NCAM1: variants seen among roughly 807,000 people sequenced by gnomAD.
The protein encoded by NCAM1 is neural cell adhesion molecule 1.
A neutral mutation model predicts 109.8 loss-of-function variants in NCAM1; 14 were observed. The observed-to-expected ratio is 0.13, with a 90% CI of 0.08 to 0.20. The LOEUF (loss-of-function observed/expected upper bound fraction) is 0.20, where lower values mean the gene tolerates loss of function less well. NCAM1 is among the 10% of genes least tolerant of loss of function. The pLI is 1.00. For synonymous variants in NCAM1, 418 were observed against 442.9 expected (o/e 0.94, Z 0.70); for missense variants, 774 against 1,109.9 (o/e 0.70, Z 4.30).
intron 1 of NCAM1, among the ~76,000 whole-genome samples, chr11:113,009,196 C>A (rs1951967801): frequency 6.6e-6 from 1 of 151,310 alleles, no homozygotes. Flanking sequence ...AGGACCACGT[C>A]GGTAGAATTA....
intron 1 of NCAM1, among the ~76,000 whole-genome samples, chr11:113,135,472 T>C (rs1419036636): frequency 2.0e-5 from 3 of 151,896 alleles, no homozygotes; most frequent in Admixed American, 6.6e-5. Context: ...CAGAGCAAGA[T>C]AAAGATGCGC....
Position 113,278,035 on chromosome 11 carries a change from A to G in NCAM1, c.*2648A>G, listed in dbSNP as rs1021720676. 2 of 152,180 alleles carry G rather than the reference A, an allele frequency of 1.3e-5. No individual in the cohort carries two copies. The highest frequency in any genetic ancestry group is 2.9e-5 in the Non-Finnish European group (2 of 68,048). The allele number at this position is 152,180 out of a possible 1,614,324, so 9.4% of individuals were successfully genotyped here. A position where few individuals can be genotyped will look rare whatever the true frequency, so the allele number is the denominator to read the frequency against. ...ATGTGTCTATGTGTGTATGTGCCAT[A>G]CATATGTATTCACATGAAGACCGGC... On this transcript the variant is annotated 3_prime_UTR_variant, in exon 20 of 20. Coordinates refer to ENST00000316851, the MANE Select transcript of NCAM1 (RefSeq NM_181351.5).
intron 15 of NCAM1, among the ~76,000 whole-genome samples, chr11:113,248,340 G>C (rs1945563198): frequency 6.6e-6 from 1 of 152,084 alleles, no homozygotes; most frequent in Non-Finnish European, 1.5e-5. Context: ...CATCTGCAAG[G>C]GGGCAAGCTG....
intron 1 of NCAM1, among the ~76,000 whole-genome samples, chr11:113,071,494 A>T (rs1427736612): frequency 1.4e-5 from 2 of 139,042 alleles, no homozygotes; most frequent in African/African-American, 5.5e-5. Context: ...GGCTCTATCT[A>T]GGCTCACTGC....
At chr11:113,190,530 C>T (rs1943646177) in intron 1 of NCAM1, among the ~76,000 whole-genome samples, 1 of 152,188 alleles carries the variant, frequency 6.6e-6, no homozygotes, top group African/African-American at 2.4e-5. Context: ...GGTTGGGCTA[C>T]TCTGGGTTCT....
chr11:112,981,832 A>G (rs1330556653), intron 1 of NCAM1, among the ~76,000 whole-genome samples: 1 of 151,952 alleles, frequency 6.6e-6, no homozygotes, highest in Non-Finnish European at 1.5e-5. Context: ...AAAATAAGAC[A>G]TCTTAGACAT....
At chr11:113,039,284 C>T (rs531481824) in intron 1 of NCAM1, among the ~76,000 whole-genome samples, 1 of 152,154 alleles carries the variant, frequency 6.6e-6, no homozygotes, top group Non-Finnish European at 1.5e-5. Context: ...CTCTTCTACT[C>T]CTTTACTTAT....
At position 113,207,839 on chromosome 11, in the gene NCAM1, G is replaced by A. The variant is rs782684427; in HGVS notation, c.753G>A (p.Gly251=). The A allele has an allele frequency of 3.1e-6, 5 of 1,609,742 alleles. No individual in the cohort carries two copies. Among genetic ancestry groups the A allele is most frequent in the East Asian group, 2.2e-5 (1 of 44,800 alleles). The change falls in exon 7 of 20, where the codon GGG becomes GGA. Residue 251 remains glycine (G), a synonymous_variant. Transcript: ENST00000316851. ...GCATTTCTACATGCTCTAGGGATGG[G>A]GAACAGATAGAGCAAGAGGAAGACG... ...PEPTMSWTKD[G]EQIEQEEDDE... is the part of the protein sequence containing the mutation.
intron 14 of NCAM1, among the ~76,000 whole-genome samples, chr11:113,241,044 A>G (rs1364415687): frequency 6.6e-6 from 1 of 152,188 alleles, no homozygotes; most frequent in Admixed American, 6.5e-5. Context: ...GAGGCGAGGG[A>G]AAAGCATTGT....
chr11:113,005,768 G>C (rs1254655104), intron 1 of NCAM1, among the ~76,000 whole-genome samples: 1 of 152,116 alleles, frequency 6.6e-6, no homozygotes, highest in Non-Finnish European at 1.5e-5. Context: ...TCTAGTTTTT[G>C]AGACTTTTAA....
At chr11:113,135,776 G>T (rs1308240779) in intron 1 of NCAM1, among the ~76,000 whole-genome samples, 3 of 152,196 alleles carry the variant, frequency 2.0e-5, no homozygotes, top group African/African-American at 7.2e-5. Flanking sequence ...TAGACTGTTT[G>T]CTGAGAAAGC....
At position 113,233,420 on chromosome 11, in the gene NCAM1, C is replaced by T; in HGVS notation, c.1693+103C>T. On this transcript the variant is annotated intron_variant, in intron 13 of 19. Transcript: ENST00000316851. This position sits in a 1 kb window ranked among gnomAD's most constrained non-coding sequence, Gnocchi z 4.5. ...CATGTTCCTACAGAATCAGGAACTG[C>T]ACCTCCAGAATTAGGTCAAAGTCAT... 6.4e-6 allele frequency: 8 copies of T among 1,257,156 alleles called. No homozygotes were observed. The South Asian group carries it at 1.2e-4, about 19-fold the overall frequency. The allele number at this position is 1,257,156 out of a possible 1,614,324, so 77.9% of individuals were successfully genotyped here. A position where few individuals can be genotyped will look rare whatever the true frequency, so the allele number is the denominator to read the frequency against.
At chr11:113,186,524 A>G (rs1383797319) in intron 1 of NCAM1, among the ~76,000 whole-genome samples, 3 of 152,236 alleles carry the variant, frequency 2.0e-5, no homozygotes, top group Non-Finnish European at 4.4e-5. Flanking sequence ...GCTAATTGCT[A>G]TAGGATCACA....
At chr11:113,148,881 A>G (rs1232217667) in intron 1 of NCAM1, among the ~76,000 whole-genome samples, 2 of 151,790 alleles carry the variant, frequency 1.3e-5, no homozygotes, top group Non-Finnish European at 2.9e-5. Flanking sequence ...GGGGCTCTTC[A>G]CTCTTCTCAG....
At chr11:113,247,481 T>A (rs573005493) in intron 15 of NCAM1, among the ~76,000 whole-genome samples, 27 of 152,226 alleles carry the variant, frequency 1.8e-4, no homozygotes, top group African/African-American at 6.3e-4. Flanking sequence ...CCCGGTCTGC[T>A]CTTGTGTTTC....
At position 113,157,136 on chromosome 11, in the gene NCAM1, G is replaced by GACACACACACACACAC. The variant is rs112454729; in HGVS notation, c.53-45229_53-45214dup. Among the ~76,000 whole-genome samples the GACACACACACACACAC allele has an allele frequency of 6.5e-3, 962 of 146,960 alleles. 10 individuals carry two copies. The highest frequency in any genetic ancestry group is 0.033 in the East Asian group (166 of 4,972). ...TTAAAGACAAAAGGTGTTTCCCTGA[G>GACACACACACACACAC]ACACACACACACACACACACACACA... On this transcript the variant is annotated intron_variant, in intron 1 of 19. Transcript: ENST00000316851.
chr11:113,105,218 G>A (rs556067312), intron 1 of NCAM1, among the ~76,000 whole-genome samples: 2 of 152,180 alleles, frequency 1.3e-5, no homozygotes, highest in South Asian at 4.1e-4. Flanking sequence ...GACCCCAGTA[G>A]CAGATGGAGG....
rs1946448062 is a variant in NCAM1 at position 113,278,365 on chromosome 11, A to G, written c.*2978A>G. On this transcript the variant is annotated 3_prime_UTR_variant, in exon 20 of 20. Coordinates refer to ENST00000316851, the MANE Select transcript of NCAM1 (RefSeq NM_181351.5). ...ATTCTCACTGGTGTAAATACTGAGTACTAACTGAGAATTTTGACTTTGCAT... is the reference window on the plus strand; with the variant it reads ...ATTCTCACTGGTGTAAATACTGAGTGCTAACTGAGAATTTTGACTTTGCAT... 6.6e-6 allele frequency: 1 copy of G among 152,206 alleles called. No individual in the cohort carries two copies. The allele number at this position is 152,206 out of a possible 1,614,324, so 9.4% of individuals were successfully genotyped here.
chr11:113,132,043 G>A (rs1481487339), intron 1 of NCAM1, among the ~76,000 whole-genome samples: 3 of 152,176 alleles, frequency 2.0e-5, no homozygotes, highest in Non-Finnish European at 4.4e-5. Flanking sequence ...GATGAGGAGA[G>A]GGACAGAGAT....
Sources: allele counts gnomAD v4.1 joint callset (sites outside exome capture counted in the v4.1 genomes callset), GRCh38; gene constraint gnomAD v4.1.1; non-coding constraint Gnocchi (gnomAD v3.1); transcripts MANE v1.5; gene names NCBI Gene and HGNC (gene_info 2026-07-23, HGNC 2026-07-21).